PCDH15: variants seen among roughly 807,000 people sequenced by gnomAD.
PCDH15 encodes protocadherin related 15.
In PCDH15, 129 loss-of-function variants were observed where a neutral mutation model predicts 178.5. That is an observed-to-expected ratio of 0.72 (90% confidence interval 0.63 to 0.84). PCDH15 has a LOEUF of 0.84. Ranked by LOEUF, PCDH15 falls within the 40% of genes least tolerant of loss-of-function variation. The pLI is 0.00. For synonymous variants in PCDH15, 800 were observed against 732.0 expected, an observed-to-expected ratio of 1.09 and a Z score of -1.50; for missense variants, 2,230 against 2,099.9, an observed-to-expected ratio of 1.06 and a Z score of -1.21.
chr10:54,551,759 C>T (rs760673035), intron 2 of PCDH15, among the ~76,000 whole-genome samples: 1 of 151,858 alleles, frequency 6.6e-6, no homozygotes, highest in Non-Finnish European at 1.5e-5. Flanking sequence ...TCTCTTTTTA[C>T]AATTTTTTCA....
chr10:54,307,192 A>G (rs962724134), intron 8 of PCDH15, among the ~76,000 whole-genome samples: 5 of 135,644 alleles, frequency 3.7e-5, no homozygotes, highest in African/African-American at 1.3e-4. Flanking sequence ...AAAGACATTC[A>G]TCAAATTAAT....
chr10:55,175,548 A>G (rs1839456652), intron 1 of PCDH15, among the ~76,000 whole-genome samples: 1 of 151,450 alleles, frequency 6.6e-6, no homozygotes. Flanking sequence ...CTATAATCCC[A>G]GGTACTTGGG....
In PCDH15 at chr10:54,112,142, A is replaced by AAAAT. The variant is rs564125140; in HGVS notation, c.1917+20729_1917+20732dup. Reference sequence around the variant, plus strand: ...GAGTGACAGAGTGAGACTCTGTCTCAAAATAAATAAATAAATAAATAAAAT... The same window carrying AAAAT: ...GAGTGACAGAGTGAGACTCTGTCTCAAAATAAATAAATAAATAAATAAATAAAAT... On this transcript the variant is annotated intron_variant, in intron 15 of 37. Coordinates refer to ENST00000644397, the MANE Select transcript of PCDH15 (RefSeq NM_001384140.1). Among the ~76,000 whole-genome samples the AAAAT allele has an allele frequency of 5.9e-3, 888 of 151,366 alleles. 9 individuals carry two copies. Among genetic ancestry groups the AAAAT allele is most frequent in the Non-Finnish European group, 9.6e-3 (651 of 67,848 alleles).
chr10:53,918,194 A>G lies in PCDH15; in HGVS notation c.3374-14824T>C, dbSNP rs572764502. On this transcript the variant is annotated intron_variant, in intron 25 of 37. Coordinates refer to ENST00000644397, the MANE Select transcript of PCDH15 (RefSeq NM_001384140.1). ...GAAGGTGCGTTACTCTTTCTTGAAG[A>G]GTTTCTCTACATTAGACATTTTACT... Among the ~76,000 whole-genome samples, 180 of 152,310 alleles carry G rather than the reference A, an allele frequency of 1.2e-3. 1 individual carries two copies. The highest frequency in any genetic ancestry group is 2.3e-3 in the Non-Finnish European group (156 of 68,030).
intron 2 of PCDH15, among the ~76,000 whole-genome samples, chr10:55,139,862 G>A (rs1444464178): frequency 6.6e-5 from 10 of 151,874 alleles, no homozygotes; most frequent in African/African-American, 2.4e-4. Flanking sequence ...CCTATCAACT[G>A]AAAGAGAAGT....
intron 2 of PCDH15, among the ~76,000 whole-genome samples, chr10:54,924,561 T>TAGC (rs1266418705): frequency 2.3e-5 from 2 of 88,184 alleles, no homozygotes; most frequent in Non-Finnish European, 6.5e-5. Flanking sequence ...ACTCCCCCCA[T>TAGC]AGCATATAAG....
At chr10:55,196,272 A>G (rs1480616992) in intron 1 of PCDH15, among the ~76,000 whole-genome samples, 1 of 152,076 alleles carries the variant, frequency 6.6e-6, no homozygotes, top group Non-Finnish European at 1.5e-5. Flanking sequence ...TGAGTAGGTA[A>G]CATAGTATTA....
intron 2 of PCDH15, among the ~76,000 whole-genome samples, chr10:55,437,612 C>T (rs2132064409): frequency 6.6e-6 from 1 of 152,158 alleles, no homozygotes; most frequent in South Asian, 2.1e-4. Flanking sequence ...TATGACTCTT[C>T]TCTCTAGAAA....
chr10:54,619,874 T>C (rs927775102), intron 2 of PCDH15, among the ~76,000 whole-genome samples: 4 of 152,044 alleles, frequency 2.6e-5, no homozygotes, highest in African/African-American at 9.7e-5. Flanking sequence ...GATTGTGTTA[T>C]CCAAGACAGG....
chr10:54,379,206 C>T (rs1172474120), intron 3 of PCDH15, among the ~76,000 whole-genome samples: 2 of 152,082 alleles, frequency 1.3e-5, no homozygotes, highest in Non-Finnish European at 2.9e-5. Flanking sequence ...CCTCTAACAA[C>T]ATAAATCTGT....
chr10:54,107,138 G>A (rs7078963), intron 15 of PCDH15, among the ~76,000 whole-genome samples: 87,656 of 152,024 alleles, frequency 0.58, 26,055 homozygotes, highest in Middle Eastern at 0.67. Flanking sequence ...CAATAGCATT[G>A]ATAGAATTTT....
At chr10:54,441,747 G>T (rs2075802124) in intron 3 of PCDH15, among the ~76,000 whole-genome samples, 1 of 151,776 alleles carries the variant, frequency 6.6e-6, no homozygotes, top group South Asian at 2.1e-4. Context: ...GACTTCCCAG[G>T]ATATGTCTTA....
chr10:55,459,480 C>T (rs1839626139), intron 2 of PCDH15, among the ~76,000 whole-genome samples: 1 of 151,956 alleles, frequency 6.6e-6, no homozygotes. Flanking sequence ...TGAATTTTAT[C>T]TGGAGAGAAA....
intron 20 of PCDH15, among the ~76,000 whole-genome samples, chr10:54,017,627 T>C (rs1209389775): frequency 1.3e-5 from 2 of 152,152 alleles, no homozygotes; most frequent in African/African-American, 4.8e-5. Context: ...TGAAAATTAA[T>C]AGACAGAAAT....
At chr10:53,871,528 A>C (rs2079855474) in intron 26 of PCDH15, among the ~76,000 whole-genome samples, 1 of 151,448 alleles carries the variant, frequency 6.6e-6, no homozygotes, top group African/African-American at 2.4e-5. Context: ...TAACTATTAT[A>C]GTTACCTAAG....
At chr10:54,795,961 T>C (rs983676151) in intron 1 of PCDH15, among the ~76,000 whole-genome samples, 2 of 151,894 alleles carry the variant, frequency 1.3e-5, no homozygotes, top group East Asian at 1.9e-4. Context: ...TTTATGTATG[T>C]GAATTACATC....
At chr10:54,236,405 T>A (rs1325225243) in intron 9 of PCDH15, among the ~76,000 whole-genome samples, 1 of 152,048 alleles carries the variant, frequency 6.6e-6, no homozygotes, top group Non-Finnish European at 1.5e-5. Flanking sequence ...GGCTCCAAAA[T>A]AGCTCTTTTT....
At chr10:54,472,665 G>A (rs915840711) in intron 3 of PCDH15, among the ~76,000 whole-genome samples, 6 of 152,036 alleles carry the variant, frequency 3.9e-5, no homozygotes, top group Admixed American at 2.6e-4. Context: ...AAATAAAAAC[G>A]CATGGCAGTG....
Position 53,821,078 on chromosome 10 carries a change from C to A in PCDH15, c.4368-848G>T, listed in dbSNP as rs1452206695. Reference sequence around the variant, plus strand: ...AGCACTTTTTAAGCATCTGTTGGAACAATGAAATGCCTTACAAAAGTCAAC... The same window carrying A: ...AGCACTTTTTAAGCATCTGTTGGAAAAATGAAATGCCTTACAAAAGTCAAC... On this transcript the variant is annotated intron_variant, in intron 32 of 37. Transcript: ENST00000644397. 4 of 967,522 alleles carry A rather than the reference C, an allele frequency of 4.1e-6. No homozygotes were observed. The African/African-American group carries it at 5.3e-5, about 13-fold the overall frequency. The allele number at this position is 967,522 out of a possible 1,614,324, so 59.9% of individuals were successfully genotyped here.
Sources: allele counts gnomAD v4.1 joint callset (sites outside exome capture counted in the v4.1 genomes callset), GRCh38; gene constraint gnomAD v4.1.1; transcripts MANE v1.5; gene names NCBI Gene and HGNC (gene_info 2026-07-23, HGNC 2026-07-21).